RIMS2: variants seen among roughly 807,000 people sequenced by gnomAD.
RIMS2 encodes regulating synaptic membrane exocytosis 2, also known as regulating synaptic membrane exocytosis protein 2.
RIMS2 carries 59 observed loss-of-function variants against 174.4 expected under a neutral mutation model. The ratio of observed to expected loss-of-function variants is 0.34; its 90% CI spans 0.27 to 0.42. The LOEUF (loss-of-function observed/expected upper bound fraction) is 0.42, where lower values mean the gene tolerates loss of function less well. Among genes scored for constraint, RIMS2 ranks in the 10% least tolerant of loss-of-function variants. RIMS2 has a pLI of 1.00. For missense variants in RIMS2, 1,620 were observed against 1,666.3 expected (o/e 0.97, Z 0.48); for synonymous variants, 606 against 572.5 (o/e 1.06, Z -0.84).
chr8:103,520,755 A>G (rs924020716), intron 1 of RIMS2, among the ~76,000 whole-genome samples: 9 of 152,046 alleles, frequency 5.9e-5, no homozygotes, highest in Non-Finnish European at 1.2e-4. Flanking sequence ...AATTTTATCG[A>G]AATAATAGTA....
At chr8:103,886,488 C>G (rs2099202405) in intron 4 of RIMS2, among the ~76,000 whole-genome samples, 2 of 151,924 alleles carry the variant, frequency 1.3e-5, no homozygotes, top group South Asian at 4.1e-4. Flanking sequence ...TATCATTTGA[C>G]AGCATATTTC....
chr8:103,942,188 T>G (rs2082695639), intron 13 of RIMS2, among the ~76,000 whole-genome samples: 2 of 152,188 alleles, frequency 1.3e-5, no homozygotes, highest in Non-Finnish European at 2.9e-5. Context: ...TATTTGCCTC[T>G]GTGGGTCCAT....
chr8:104,226,568 A>G (rs1434557972), intron 19 of RIMS2, among the ~76,000 whole-genome samples: 1 of 152,248 alleles, frequency 6.6e-6, no homozygotes, highest in Non-Finnish European at 1.5e-5. Flanking sequence ...CTTTCAGCCT[A>G]ACGGAGATAA....
intron 10 of RIMS2, among the ~76,000 whole-genome samples, chr8:103,927,570 T>C (rs1245027006): frequency 6.6e-6 from 1 of 151,618 alleles, no homozygotes; most frequent in Non-Finnish European, 1.5e-5. Context: ...TATTATTTTA[T>C]ATCCAGTCTT....
chr8:104,056,650 G>C (rs1396031582), intron 19 of RIMS2, among the ~76,000 whole-genome samples: 1 of 152,100 alleles, frequency 6.6e-6, no homozygotes, highest in Non-Finnish European at 1.5e-5. Context: ...GGGAAACTAA[G>C]GTGGGAGGAT....
intron 19 of RIMS2, among the ~76,000 whole-genome samples, chr8:104,231,404 A>G (rs193201130): frequency 1.9e-4 from 29 of 152,066 alleles, no homozygotes; most frequent in Admixed American, 1.8e-3. Flanking sequence ...TAGTAATTCT[A>G]TGAAACTAAG....
At chr8:104,146,204 CAAAAAAAAAAA>C (rs36101798) in intron 19 of RIMS2, among the ~76,000 whole-genome samples, 22 of 65,918 alleles carry the variant, frequency 3.3e-4, no homozygotes, top group Non-Finnish European at 5.7e-4. Flanking sequence ...TCTCCTCTCC[CAAAAAAAAAAA>C]AAAAAAAAAA....
At chr8:103,665,582 A>G (rs922066269) in intron 1 of RIMS2, among the ~76,000 whole-genome samples, 1 of 152,254 alleles carries the variant, frequency 6.6e-6, no homozygotes, top group Non-Finnish European at 1.5e-5. Context: ...ACATTGTCTT[A>G]CTGATTTCTA....
intron 19 of RIMS2, among the ~76,000 whole-genome samples, chr8:104,082,879 A>G (rs184776333): frequency 6.6e-6 from 1 of 152,260 alleles, no homozygotes; most frequent in African/African-American, 2.4e-5. Flanking sequence ...AGTTGCTGAC[A>G]TGAACAAATT....
At chr8:104,001,526 T>G (rs2095388533) in intron 17 of RIMS2, among the ~76,000 whole-genome samples, 1 of 152,016 alleles carries the variant, frequency 6.6e-6, no homozygotes, top group South Asian at 2.1e-4. Context: ...TATATTTCCC[T>G]GCACTCTCCT....
chr8:104,207,350 A>G (rs984990991), intron 19 of RIMS2, among the ~76,000 whole-genome samples: 1 of 152,214 alleles, frequency 6.6e-6, no homozygotes, highest in Admixed American at 6.5e-5. Flanking sequence ...ATTTAAATCC[A>G]GTTTAATATA....
intron 4 of RIMS2, among the ~76,000 whole-genome samples, chr8:103,899,801 A>G (rs184749430): frequency 0.16 from 24,713 of 151,378 alleles, 2,210 homozygotes; most frequent in Middle Eastern, 0.27. Flanking sequence ...GCCCATGCCT[A>G]TGTCCTGAAT....
chr8:103,795,554 A>C (rs2098543412), intron 3 of RIMS2, among the ~76,000 whole-genome samples: 1 of 152,160 alleles, frequency 6.6e-6, no homozygotes, highest in Admixed American at 6.5e-5. Context: ...CGTTGTGTAC[A>C]TGTATCCTAG....
chr8:104,067,225 C>T (rs1255556367), intron 19 of RIMS2, among the ~76,000 whole-genome samples: 1 of 152,118 alleles, frequency 6.6e-6, no homozygotes, highest in Non-Finnish European at 1.5e-5. Context: ...TGTATGTTGA[C>T]ATTCCTACCT....
intron 1 of RIMS2, among the ~76,000 whole-genome samples, chr8:103,694,298 T>A (rs1213342803): frequency 1.3e-5 from 2 of 152,184 alleles, no homozygotes; most frequent in Non-Finnish European, 2.9e-5. Context: ...TGAGCTGGTC[T>A]GAAACCTGAA....
intron 1 of RIMS2, among the ~76,000 whole-genome samples, chr8:103,574,908 A>G (rs1042221115): frequency 4.6e-5 from 7 of 152,220 alleles, no homozygotes; most frequent in Non-Finnish European, 1.0e-4. Context: ...TTAAATCTAG[A>G]CTTTTAACCA....
chr8:103,980,866 G>A (rs1456745136), intron 16 of RIMS2, among the ~76,000 whole-genome samples: 4 of 152,108 alleles, frequency 2.6e-5, no homozygotes, highest in Non-Finnish European at 5.9e-5. Context: ...GGGAAGAGCA[G>A]GAAGGACTTT....
chr8:103,753,149 A>T lies in RIMS2; in HGVS notation c.388-13078A>T, dbSNP rs201845612. 3.0e-4 allele frequency among the ~76,000 whole-genome samples: 45 copies of T among 149,696 alleles called. No individual in the cohort carries two copies. The East Asian group carries it at 6.8e-3, about 23-fold the overall frequency. On this transcript the variant is annotated intron_variant, in intron 2 of 23. Coordinates refer to ENST00000504942, the Ensembl canonical transcript of RIMS2. ...ATTGAGAGTTTTTAGCATGAAGGGT[A>T]GTTGAATTTTGTCAAAGGCCTTTTC... is the stretch of plus-strand genomic sequence containing the variant.
At chr8:103,897,511 G>T (rs1425223766) in intron 4 of RIMS2, among the ~76,000 whole-genome samples, 1 of 151,694 alleles carries the variant, frequency 6.6e-6, no homozygotes, top group Non-Finnish European at 1.5e-5. Context: ...TTTTACTCAT[G>T]CCCTCTGGTC....
Sources: gnomAD v4.1 joint callset for allele counts (sites outside exome capture counted in the v4.1 genomes callset) on GRCh38, gnomAD v4.1.1 for gene constraint, MANE v1.5 for transcripts, NCBI Gene and HGNC (gene_info 2026-07-23, HGNC 2026-07-21) for gene names.